Variants in FLNA observed in about 807,000 individuals in gnomAD.
FLNA encodes filamin-A.
Under a neutral mutation model 157.6 loss-of-function variants are expected in FLNA, and 7 were observed. The ratio of observed to expected loss-of-function variants is 0.04; its 90% CI spans 0.03 to 0.08. The LOEUF (loss-of-function observed/expected upper bound fraction) is 0.08. FLNA is among the 10% of genes least tolerant of loss of function. The pLI is 1.00. For synonymous variants in FLNA, 1,103 were observed against 1,060.8 expected (o/e 1.04, Z -0.77); for missense variants, 1,750 against 2,398.4 (o/e 0.73, Z 5.65).
rs782269425 is a variant in FLNA at position 154,354,232 on chromosome X, C to T, written c.5476G>A (p.Gly1826Ser). The change falls in exon 34 of 48, where the codon GGC becomes AGC. Residue 1826 changes from glycine (G) to serine (S), a missense_variant. Transcript: ENST00000369850. ...GGTGCATACCGCACGGTCACGGTGC[C>T]GTCTTTGTTGTCAGTGATGGTGGGC... ...AQPTITDNKD[G>S]TVTVRYAPSE... The T allele has an allele frequency of 1.7e-6, 2 of 1,210,625 alleles. No homozygotes were observed. Among genetic ancestry groups the T allele is most frequent in the Admixed American group, 2.2e-5 (1 of 46,039 alleles).
rs2067683829 is a variant in FLNA at position 154,359,058 on chromosome X, A to C, written c.4400T>G (p.Leu1467Arg). ...TGTGTCCACCTGGAAGGACTGAGGG[A>C]GGTTGGCACGAACCATGCCTGGGCT... ...GLSPGMVRAN[L>R]PQSFQVDTSK... The change falls in exon 26 of 48, where the codon CTC becomes CGC. Residue 1467 changes from leucine (L) to arginine (R), a missense_variant. By Grantham distance (102) the Leu-to-Arg change is moderately radical. This residue lies in a region of FLNA where 970 missense variants were observed against 1,302.6 expected (regional missense o/e 0.74). Transcript: ENST00000369850. 9.1e-6 allele frequency: 11 copies of C among 1,209,754 alleles called. No individual in the cohort carries two copies. The highest frequency in any genetic ancestry group is 1.2e-5 in the Non-Finnish European group (11 of 895,080).
intron 2 of FLNA, among the ~76,000 whole-genome samples, chrX:154,370,401 C>T (rs1269124189): frequency 3.6e-5 from 4 of 112,228 alleles, no homozygotes; most frequent in Non-Finnish European, 7.5e-5. Flanking sequence ...ACACAAAGAG[C>T]CCAGAGCCCC....
At chrX:154,370,328 GT>G (rs201384966) in intron 2 of FLNA, among the ~76,000 whole-genome samples, 3 of 110,326 alleles carry the variant, frequency 2.7e-5, no homozygotes, top group African/African-American at 1.0e-4. Context: ...CTGTGTGTGT[GT>G]GGGGGGGTAG....
intron 2 of FLNA, among the ~76,000 whole-genome samples, chrX:154,369,800 G>C (rs1557180005): frequency 8.9e-6 from 1 of 112,037 alleles, no homozygotes; most frequent in African/African-American, 3.2e-5. Context: ...GCCTCAACTG[G>C]CATTCCAAAG....
At position 154,361,509 on chromosome X, in the gene FLNA, G is replaced by T. The variant is rs782396211; in HGVS notation, c.3006C>A (p.Gly1002=). The change falls in exon 21 of 48, where the codon GGC becomes GGA. Residue 1002 remains glycine (G), a synonymous_variant. Coordinates refer to ENST00000369850, the MANE Select transcript of FLNA (RefSeq NM_001110556.2). ...GGCCCACAATCTTGGATGCCACTTT[G>T]CCTTGACCACCAGCACCCTTTGATT... ...TVKSKGAGGQ[G]KVASKIVGPS... is the part of the protein sequence containing the mutation. 2.6e-5 allele frequency: 32 copies of T among 1,209,699 alleles called. No homozygotes were observed. The highest frequency in any genetic ancestry group is 3.4e-5 in the Non-Finnish European group (30 of 895,043).
At chrX:154,355,148 G>A (rs1041180818) in intron 30 of FLNA, 76 bp from the exon 31 acceptor site, 13 of 1,041,045 alleles carry the variant, frequency 1.2e-5, no homozygotes, top group East Asian at 9.3e-5. Flanking sequence ...TCCGCCTGCC[G>A]CCCACACAGG....
intron 37 of FLNA, 41 bp downstream of exon 37, chrX:154,353,255 C>T: frequency 8.3e-7 from 1 of 1,211,139 alleles, no homozygotes; most frequent in South Asian, 1.8e-5. Context: ...TCCCCACAGG[C>T]TGCCTCCTTT....
intron 36 of FLNA, 44 bp downstream of exon 36, chrX:154,353,510 C>G (rs782397804): frequency 8.3e-7 from 1 of 1,209,156 alleles, no homozygotes; most frequent in East Asian, 3.0e-5. Context: ...GAGACCATGC[C>G]CACCCTGCCA....
At chrX:154,354,787 C>T in intron 31 of FLNA, 38 bp downstream of exon 31, 8 of 1,211,327 alleles carry the variant, frequency 6.6e-6, no homozygotes, top group Non-Finnish European at 6.7e-6. Flanking sequence ...CGGGACCTGC[C>T]AGACACCCCT....
chrX:154,357,121 T>C (rs2067668907), intron 30 of FLNA, 130 bp downstream of exon 30: 1 of 655,121 alleles, frequency 1.5e-6, no homozygotes, highest in Admixed American at 3.3e-5. Context: ...CCTCATCTTC[T>C]GCACCCCACC....
intron 35 of FLNA, 78 bp from the exon 36 acceptor site, chrX:154,353,805 C>T: frequency 8.4e-7 from 1 of 1,188,124 alleles, no homozygotes. Context: ...CTCCGATGGC[C>T]AGGGCAGCAG....
intron 30 of FLNA, among the ~76,000 whole-genome samples, chrX:154,357,034 G>A (rs1441820858): frequency 8.9e-6 from 1 of 112,017 alleles, no homozygotes; most frequent in Non-Finnish European, 1.9e-5. Flanking sequence ...GGAAATAAAG[G>A]CCCAGAGAGG....
At chrX:154,362,880 C>T in intron 15 of FLNA, 96 bp from the exon 16 acceptor site, 1 of 1,000,113 alleles carries the variant, frequency 1.0e-6, no homozygotes, top group South Asian at 2.2e-5. Flanking sequence ...AATGGTCCAG[C>T]TGCCTTGGGA....
Position 154,351,686 on chromosome X carries a change from T to A in FLNA, c.6918A>T (p.Glu2306Asp). The A allele has an allele frequency of 8.4e-7, 1 of 1,191,975 alleles. No homozygotes were observed. The highest frequency in any genetic ancestry group is 1.8e-5 in the South Asian group (1 of 56,540). ...GTTCCTCGTTGAACTTGACTGAGAC[T>A]TCGTAGTCACCTGGGCAGGGAAAGA... ...AYVVQEPGDY[E>D]VSVKFNEEHI... Residue 2306 changes from glutamate to aspartate, a missense_variant, in exon 43 of 48, where the codon GAA (glutamate) becomes GAT (aspartate). Around this residue, in one of 5 missense-constraint regions of FLNA, gnomAD observed 970 missense variants for 1,302.6 expected, o/e 0.74. Transcript: ENST00000369850.
rs782611801 is a variant in FLNA at position 154,349,675 on chromosome X, C to T, written c.7526G>A (p.Gly2509Asp). The T allele has an allele frequency of 5.0e-6, 6 of 1,210,812 alleles. No individual in the cohort carries two copies. In the Admixed American group the frequency reaches 6.5e-5, roughly 13 times the overall value. ...TGTGACTTTGGCCTTGAAGGGGCTG[C>T]CCCCAATGTGGTAGGGGCCGCCGTA... ...IKYGGPYHIGGSPFKAKVTGP... is the reference protein window; with the variant it reads ...IKYGGPYHIGDSPFKAKVTGP... The change falls in exon 46 of 48, where the codon GGC becomes GAC. Residue 2509 changes from glycine (G) to aspartate (D), a missense_variant. By Grantham distance (94) the Gly-to-Asp change is moderately conservative. This residue lies in a region of FLNA where 970 missense variants were observed against 1,302.6 expected (regional missense o/e 0.74). Transcript: ENST00000369850.
rs782282149 is a variant in FLNA, at chrX:154,366,125, C to T, written c.1328G>A (p.Arg443His). 166 of 1,209,052 alleles carry T rather than the reference C, an allele frequency of 1.4e-4. No individual in the cohort carries two copies. The highest frequency in any genetic ancestry group is 1.6e-5 in the Non-Finnish European group (14 of 894,802). ...CTCCATGGTGGGCTGGTAGCTGCAGCGGTATGTGCTGTCGCCCCGGGCCTC... is the reference window on the plus strand; with the variant it reads ...CTCCATGGTGGGCTGGTAGCTGCAGTGGTATGTGCTGTCGCCCCGGGCCTC... ...QLEARGDSTY[R>H]CSYQPTMEGV... The change falls in exon 9 of 48, where the codon CGC becomes CAC. Residue 443 changes from arginine to histidine, a missense_variant. This residue lies in a region of FLNA where 648 missense variants were observed against 805.8 expected (regional missense o/e 0.80). Transcript: ENST00000369850.
At chrX:154,353,749 C>T (rs782287765) in intron 35 of FLNA, 22 bp from the exon 36 acceptor site, 10 of 1,203,498 alleles carry the variant, frequency 8.3e-6, no homozygotes, top group Non-Finnish European at 1.1e-5. Context: ...CGTGGGTGAG[C>T]ATGGGAACTA....
chrX:154,370,530 G>T (rs1362691318), intron 2 of FLNA, among the ~76,000 whole-genome samples: 2 of 112,857 alleles, frequency 1.8e-5, no homozygotes, highest in East Asian at 5.6e-4. Context: ...CCTCGGGGAC[G>T]GGGCGCAGGG....
Position 154,351,022 on chromosome X carries a change from T to C in FLNA, c.7043A>G (p.Asn2348Ser), listed in dbSNP as rs1557175657. ...GCTGACTGCAAAAGAGGCTGGCTGG[T>C]TGACCTTTAGCCCTGACTCCTGGAA... ...SSLQESGLKV[N>S]QPASFAVSLN... Residue 2348 changes from asparagine (N) to serine (S), a missense_variant, in exon 44 of 48, where the codon AAC becomes AGC. Physicochemically the swap from Asn to Ser is conservative, Grantham distance 46. Around this residue, in one of 5 missense-constraint regions of FLNA, gnomAD observed 970 missense variants for 1,302.6 expected, o/e 0.74. Coordinates refer to ENST00000369850, the MANE Select transcript of FLNA (RefSeq NM_001110556.2). 2.5e-6 allele frequency: 3 copies of C among 1,211,540 alleles called. No individual in the cohort carries two copies. Among genetic ancestry groups the C allele is most frequent in the Middle Eastern group, 2.3e-4 (1 of 4,332 alleles).
Sources: gnomAD v4.1 joint callset for allele counts (sites outside exome capture counted in the v4.1 genomes callset) on GRCh38, gnomAD v4.1.1 for gene constraint, gnomAD v4.1.1 regional missense constraint, MANE v1.5 for transcripts, NCBI Gene and HGNC (gene_info 2026-07-23, HGNC 2026-07-21) for gene names.